Variants in CAMKMT observed in about 807,000 individuals in gnomAD.
CAMKMT encodes the protein CaM KMT.
In CAMKMT, 53 loss-of-function variants were observed where a neutral mutation model predicts 48.0. The observed-to-expected ratio is 1.10, with a 90% CI of 0.89 to 1.39. The LOEUF is 1.39. Ranked by LOEUF, CAMKMT falls within the 40% of genes most tolerant of loss-of-function variation. CAMKMT has a pLI of 0.00. For missense variants in CAMKMT, 428 were observed against 402.7 expected (o/e 1.06, Z -0.54); for synonymous variants, 165 against 152.3 (o/e 1.08, Z -0.61).
At chr2:44,568,309 T>C (rs2103725166) in intron 3 of CAMKMT, among the ~76,000 whole-genome samples, 1 of 152,318 alleles carries the variant, frequency 6.6e-6, no homozygotes, top group East Asian at 1.9e-4. Context: ...TTTATGTGTG[T>C]TGTGTCTTTT....
At chr2:44,484,753 C>G (rs1669134823) in intron 3 of CAMKMT, among the ~76,000 whole-genome samples, 1 of 150,434 alleles carries the variant, frequency 6.6e-6, no homozygotes, top group African/African-American at 2.4e-5. Context: ...TTAGGAATTT[C>G]TGTTATTGAA....
intron 2 of CAMKMT, among the ~76,000 whole-genome samples, chr2:44,382,172 C>T (rs886319459): frequency 3.3e-5 from 5 of 152,010 alleles, no homozygotes; most frequent in Non-Finnish European, 5.9e-5. Context: ...GAACTCCTGA[C>T]CTTAGGTGAT....
At chr2:44,485,928 C>G (rs1558650574) in intron 3 of CAMKMT, among the ~76,000 whole-genome samples, 2 of 152,128 alleles carry the variant, frequency 1.3e-5, no homozygotes, top group Admixed American at 6.5e-5. Context: ...TATTCCATTT[C>G]TTAAACTGGG....
intron 3 of CAMKMT, among the ~76,000 whole-genome samples, chr2:44,552,375 A>G (rs1667764653): frequency 1.3e-5 from 2 of 152,150 alleles, no homozygotes; most frequent in South Asian, 2.1e-4. Flanking sequence ...AACTGAACCA[A>G]TTCATTTACC....
intron 7 of CAMKMT, among the ~76,000 whole-genome samples, chr2:44,718,753 T>C (rs1379686090): frequency 1.3e-5 from 2 of 152,264 alleles, no homozygotes; most frequent in African/African-American, 2.4e-5. Context: ...ATGATGTAAG[T>C]AAGTTTCACT....
chr2:44,485,475 C>T (rs758854136), intron 3 of CAMKMT, among the ~76,000 whole-genome samples: 1 of 152,164 alleles, frequency 6.6e-6, no homozygotes, highest in Non-Finnish European at 1.5e-5. Flanking sequence ...CATCACTTAA[C>T]AATGGCGATA....
intron 3 of CAMKMT, among the ~76,000 whole-genome samples, chr2:44,450,826 T>C (rs956223703): frequency 2.0e-5 from 3 of 152,184 alleles, no homozygotes; most frequent in Admixed American, 1.3e-4. Flanking sequence ...ATTTAAAAAT[T>C]GATTTAATAG....
intron 3 of CAMKMT, among the ~76,000 whole-genome samples, chr2:44,412,129 G>C (rs1050126783): frequency 7.9e-5 from 12 of 151,784 alleles, no homozygotes; most frequent in African/African-American, 2.9e-4. Context: ...AGATGGAACT[G>C]CTTGTCACGC....
rs1672018498 is a variant in CAMKMT, at chr2:44,618,625, A to G, written c.377-85658A>G. ...GTTGCCATATTCAGTGGATCCTGTC[A>G]GGAGCAAGTTGATGACTTAATAGTC... is the stretch of plus-strand genomic sequence containing the variant. On this transcript the variant is annotated intron_variant, in intron 3 of 10. Transcript: ENST00000378494. This position sits in a 1 kb window ranked among gnomAD's most constrained non-coding sequence, Gnocchi z 4.0. 6.6e-6 allele frequency among the ~76,000 whole-genome samples: 1 copy of G among 152,242 alleles called. No homozygotes were observed. Among genetic ancestry groups the G allele is most frequent in the Non-Finnish European group, 1.5e-5 (1 of 68,038 alleles).
At chr2:44,743,738 A>G (rs761661270) in intron 8 of CAMKMT, 42 bp downstream of exon 8, 2 of 1,524,912 alleles carry the variant, frequency 1.3e-6, no homozygotes, top group Non-Finnish European at 9.1e-7. Context: ...AGAAAAAAAT[A>G]GCTTTGCTGG....
At chr2:44,553,609 A>G (rs980401118) in intron 3 of CAMKMT, among the ~76,000 whole-genome samples, 7 of 152,050 alleles carry the variant, frequency 4.6e-5, no homozygotes, top group African/African-American at 1.7e-4. Flanking sequence ...CATCTACCCA[A>G]CTCAGCTTCC....
intron 3 of CAMKMT, among the ~76,000 whole-genome samples, chr2:44,408,743 A>G (rs1381588194): frequency 6.7e-6 from 1 of 150,032 alleles, no homozygotes; most frequent in Non-Finnish European, 1.5e-5. Context: ...AAATTTAATT[A>G]ATTAATTAAT....
At chr2:44,730,645 C>T (rs928695825) in intron 7 of CAMKMT, among the ~76,000 whole-genome samples, 11 of 152,092 alleles carry the variant, frequency 7.2e-5, no homozygotes, top group African/African-American at 2.4e-4. Context: ...CTTAGAGAGG[C>T]TTCTATGATA....
At chr2:44,579,801 A>T (rs765928379) in intron 3 of CAMKMT, among the ~76,000 whole-genome samples, 3 of 152,144 alleles carry the variant, frequency 2.0e-5, no homozygotes, top group Non-Finnish European at 4.4e-5. Context: ...CAGCTGGGGG[A>T]TGTATTTATG....
At chr2:44,559,377 T>C (rs1235885334) in intron 3 of CAMKMT, among the ~76,000 whole-genome samples, 1 of 152,198 alleles carries the variant, frequency 6.6e-6, no homozygotes, top group African/African-American at 2.4e-5. Context: ...TGTGAAGAAA[T>C]GTTCTTCATC....
At chr2:44,678,338 C>G (rs1675833541) in intron 3 of CAMKMT, among the ~76,000 whole-genome samples, 1 of 152,158 alleles carries the variant, frequency 6.6e-6, no homozygotes, top group South Asian at 2.1e-4. Context: ...CCAGGTCTAG[C>G]CATGTCTGTA....
chr2:44,598,759 G>A (rs1670817124), intron 3 of CAMKMT, among the ~76,000 whole-genome samples: 1 of 83,616 alleles, frequency 1.2e-5, no homozygotes, highest in Non-Finnish European at 2.6e-5. Flanking sequence ...TGGGTGGGGA[G>A]GTGGTTGTGA....
At chr2:44,451,745 A>G (rs1667297491) in intron 3 of CAMKMT, among the ~76,000 whole-genome samples, 1 of 151,930 alleles carries the variant, frequency 6.6e-6, no homozygotes, top group South Asian at 2.1e-4. Context: ...TAAAACAAAC[A>G]CGGTAAAATG....
chr2:44,452,122 T>C (rs373872553), intron 3 of CAMKMT, among the ~76,000 whole-genome samples: 7 of 152,036 alleles, frequency 4.6e-5, no homozygotes, highest in African/African-American at 1.7e-4. Flanking sequence ...TTAAACTGAA[T>C]TAGGGTAATT....
Sources: allele counts gnomAD v4.1 joint callset (sites outside exome capture counted in the v4.1 genomes callset), GRCh38; gene constraint gnomAD v4.1.1; non-coding constraint Gnocchi (gnomAD v3.1); transcripts MANE v1.5; gene names NCBI Gene and HGNC (gene_info 2026-07-23, HGNC 2026-07-21).